The following RERE variants were observed in gnomAD, a reference collection of about 807,000 sequenced individuals.
RERE encodes the protein arginine-glutamic acid dipeptide repeats.
In RERE, 40 loss-of-function variants were observed where a neutral mutation model predicts 146.1. That is an observed-to-expected ratio of 0.27 (90% CI 0.21 to 0.36). RERE has a LOEUF of 0.36. Ranked by LOEUF, RERE falls within the 10% of genes least tolerant of loss-of-function variation. The probability of loss-of-function intolerance (pLI) is 1.00; values close to 1 mark genes in which losing one functional copy is unlikely to be tolerated. For synonymous variants in RERE, 1,003 were observed against 866.0 expected (o/e 1.16, Z -2.78); for missense variants, 1,933 against 2,138.7 (o/e 0.90, Z 1.90).
chr1:8,450,795 T>G (rs537686332), intron 11 of RERE, among the ~76,000 whole-genome samples: 1 of 152,194 alleles, frequency 6.6e-6, no homozygotes, highest in Non-Finnish European at 1.5e-5. Flanking sequence ...CTTCTTATCC[T>G]GTGACCAGCA....
chr1:8,480,387 C>T (rs1365508693), intron 10 of RERE, among the ~76,000 whole-genome samples: 2 of 150,698 alleles, frequency 1.3e-5, no homozygotes, highest in African/African-American at 4.9e-5. Flanking sequence ...ATCCGCCCGC[C>T]TTGGCCTCCC....
At position 8,711,079 on chromosome 1, in the gene RERE, C is replaced by T. The variant is rs567574477; in HGVS notation, c.-144-54638G>A. The stretch of plus-strand genomic sequence containing the variant: ...GGCTGAGGCAGGAGAATCACTTGAA[C>T]CTGGGAGGCGGAGGCTGCTGTGAGC... On this transcript the variant is annotated intron_variant, in intron 1 of 22. Transcript: ENST00000400908. Among the ~76,000 whole-genome samples, 23 of 141,126 alleles carry T rather than the reference C, an allele frequency of 1.6e-4. No homozygotes were observed. In the South Asian group the frequency reaches 5.4e-3, roughly 33 times the overall value. 92.6% of individuals were successfully genotyped at this position (141,126 alleles called of 152,430 possible).
chr1:8,632,264 C>G (rs1486537086), intron 2 of RERE, among the ~76,000 whole-genome samples: 1 of 152,214 alleles, frequency 6.6e-6, no homozygotes, highest in African/African-American at 2.4e-5. Context: ...GTATGGCTGA[C>G]AACAAACAAA....
At chr1:8,693,833 TA>T (rs1363518736) in intron 1 of RERE, among the ~76,000 whole-genome samples, 5 of 152,044 alleles carry the variant, frequency 3.3e-5, no homozygotes, top group African/African-American at 1.2e-4. Flanking sequence ...AACTGGGAGT[TA>T]GGGGGGATGC....
intron 2 of RERE, among the ~76,000 whole-genome samples, chr1:8,652,029 C>A (rs1465203965): frequency 1.3e-5 from 2 of 152,126 alleles, no homozygotes; most frequent in South Asian, 2.1e-4. Flanking sequence ...AAAGAACAGA[C>A]AATATTTAAC....
chr1:8,381,321 G>T (rs560888962), intron 12 of RERE, among the ~76,000 whole-genome samples: 1 of 152,034 alleles, frequency 6.6e-6, no homozygotes, highest in Non-Finnish European at 1.5e-5. Context: ...TGTAACCTGC[G>T]CAATCATTAG....
chr1:8,471,656 G>A (rs1044442852), intron 10 of RERE, among the ~76,000 whole-genome samples: 1 of 152,000 alleles, frequency 6.6e-6, no homozygotes, highest in Non-Finnish European at 1.5e-5. Flanking sequence ...CAGCTTACAG[G>A]CATGCGCCAC....
At chr1:8,609,321 T>A (rs1463737134) in intron 4 of RERE, among the ~76,000 whole-genome samples, 1 of 152,200 alleles carries the variant, frequency 6.6e-6, no homozygotes, top group Non-Finnish European at 1.5e-5. Flanking sequence ...AGCCGGGTTC[T>A]CTGATGCCAG....
rs536532998 is a variant in RERE at position 8,482,598 on chromosome 1, C to T, written c.1104+12465G>A. 5.1e-5 allele frequency among the ~76,000 whole-genome samples: 7 copies of T among 136,510 alleles called. No homozygotes were observed. The East Asian group carries it at 1.8e-3, about 34-fold the overall frequency. 89.6% of individuals were successfully genotyped at this position (136,510 alleles called of 152,430 possible). Reference sequence around the variant, plus strand: ...TTGGGAGGCTGAGGCAGGAGAATGGCGTGAACCCAGGAGTTGGAGCTTGCA... The same window carrying T: ...TTGGGAGGCTGAGGCAGGAGAATGGTGTGAACCCAGGAGTTGGAGCTTGCA... On this transcript the variant is annotated intron_variant, in intron 10 of 22. Coordinates refer to ENST00000400908, the MANE Select transcript of RERE (RefSeq NM_001042681.2).
intron 7 of RERE, among the ~76,000 whole-genome samples, chr1:8,529,287 C>CTTCTT (rs1382281413): frequency 9.8e-6 from 1 of 102,446 alleles, no homozygotes; most frequent in African/African-American, 3.8e-5. Flanking sequence ...GTTCTCCCTT[C>CTTCTT]TTTTTTTTTT....
At chr1:8,505,219 T>C (rs1645234492) in intron 8 of RERE, among the ~76,000 whole-genome samples, 1 of 152,144 alleles carries the variant, frequency 6.6e-6, no homozygotes, top group Non-Finnish European at 1.5e-5. Context: ...TATGAAAATA[T>C]AAAGAAAGAG....
At chr1:8,579,057 C>T (rs1016883479) in intron 4 of RERE, among the ~76,000 whole-genome samples, 3 of 152,104 alleles carry the variant, frequency 2.0e-5, no homozygotes, top group African/African-American at 7.2e-5. Flanking sequence ...GCTTGGAGCC[C>T]CAAAGTTAAA....
intron 1 of RERE, among the ~76,000 whole-genome samples, chr1:8,742,071 G>A (rs1274710297): frequency 6.6e-6 from 1 of 152,172 alleles, no homozygotes; most frequent in Non-Finnish European, 1.5e-5. Flanking sequence ...GGTGAACAGT[G>A]CCATCCCAGT....
intron 1 of RERE, among the ~76,000 whole-genome samples, chr1:8,715,240 G>A (rs752300640): frequency 4.0e-5 from 6 of 151,670 alleles, no homozygotes; most frequent in Non-Finnish European, 7.4e-5. Flanking sequence ...GGCTGGGTGC[G>A]GTGGCTCACA....
At position 8,352,885 on chromosome 1, in the gene RERE, C is replaced by G. The variant is rs1464028343; in HGVS notation, c.*2202G>C. The G allele has an allele frequency of 6.6e-6, 1 of 152,564 alleles. No homozygotes were observed. Among genetic ancestry groups the G allele is most frequent in the Non-Finnish European group, 1.5e-5 (1 of 68,054 alleles). 9.5% of individuals were successfully genotyped at this position (152,564 alleles called of 1,614,324 possible). A position where few individuals can be genotyped will look rare whatever the true frequency, so the allele number is the denominator to read the frequency against. On this transcript the variant is annotated 3_prime_UTR_variant, in exon 23 of 23. Transcript: ENST00000400908. The stretch of plus-strand genomic sequence containing the variant: ...AATGCCTTCGGACGGCTTTCAAGCA[C>G]AGACCTCAGAGGACTCGACTCTTCT...
intron 7 of RERE, among the ~76,000 whole-genome samples, chr1:8,528,237 TAAA>T (rs905409268): frequency 1.3e-5 from 2 of 151,950 alleles, no homozygotes; most frequent in Non-Finnish European, 2.9e-5. Flanking sequence ...GTCGATGTCA[TAAA>T]AAATCTTTAA....
chr1:8,446,958 C>T (rs990946011), intron 11 of RERE, among the ~76,000 whole-genome samples: 5 of 151,912 alleles, frequency 3.3e-5, no homozygotes, highest in Admixed American at 2.0e-4. Flanking sequence ...GGATTATAGG[C>T]GTGAGCCACT....
intron 11 of RERE, among the ~76,000 whole-genome samples, chr1:8,464,446 A>G (rs1336111720): frequency 6.6e-6 from 1 of 151,944 alleles, no homozygotes; most frequent in African/African-American, 2.4e-5. Context: ...AGCAACCCCC[A>G]GAGACCACCG....
At chr1:8,595,578 T>C (rs149703706) in intron 4 of RERE, among the ~76,000 whole-genome samples, 6 of 152,062 alleles carry the variant, frequency 3.9e-5, no homozygotes, top group African/African-American at 1.4e-4. Context: ...TATTTTCCTG[T>C]CATATTTTCC....
Sources: allele counts gnomAD v4.1 joint callset (sites outside exome capture counted in the v4.1 genomes callset), GRCh38; gene constraint gnomAD v4.1.1; transcripts MANE v1.5; gene names NCBI Gene and HGNC (gene_info 2026-07-23, HGNC 2026-07-21).